The following LRRC9 variants were observed in gnomAD, a reference collection of about 807,000 sequenced individuals.
LRRC9 encodes leucine rich repeat containing 9.
Under a neutral mutation model 63.2 loss-of-function variants are expected in LRRC9, and 122 were observed. The observed-to-expected ratio is 1.93, with a 90% CI of 1.67 to 2.24. LRRC9 has a LOEUF of 2.24. Ranked by LOEUF, LRRC9 falls within the 30% of genes most tolerant of loss-of-function variation. The pLI, the probability that LRRC9 is intolerant of heterozygous loss-of-function variation, is 0.00. For missense variants in LRRC9, 1,071 were observed against 627.7 expected (o/e 1.71, Z -7.55); for synonymous variants, 366 against 213.1 (o/e 1.72, Z -6.25).
In LRRC9 at chr14:60,058,663, G is replaced by A. The variant is rs1425613486; in HGVS notation, c.4276+641G>A. On this transcript the variant is annotated intron_variant, in intron 31 of 31. Coordinates refer to ENST00000445360, the Ensembl canonical transcript of LRRC9. The surrounding 1 kb of genome is among the most constrained non-coding windows in gnomAD (Gnocchi z 4.4). Reference sequence around the variant, plus strand: ...CTGGTTATCATTTTGGCAAAACTGGGGGTAAGTACTCCTTCTCTGAGGGCT... The same window carrying A: ...CTGGTTATCATTTTGGCAAAACTGGAGGTAAGTACTCCTTCTCTGAGGGCT... Among the ~76,000 whole-genome samples, 1 of 152,028 alleles carries A rather than the reference G, an allele frequency of 6.6e-6. No individual in the cohort carries two copies. Among genetic ancestry groups the A allele is most frequent in the East Asian group, 1.9e-4 (1 of 5,192 alleles).
At chr14:59,929,401 A>G (rs1388190957) in intron 3 of LRRC9, among the ~76,000 whole-genome samples, 1 of 135,636 alleles carries the variant, frequency 7.4e-6, no homozygotes, top group Non-Finnish European at 1.6e-5. Flanking sequence ...CAGAATGGCT[A>G]TTATTAAAAA....
chr14:59,971,038 G>T (rs990184827), intron 12 of LRRC9, among the ~76,000 whole-genome samples: 1 of 152,044 alleles, frequency 6.6e-6, no homozygotes, highest in Non-Finnish European at 1.5e-5. Context: ...TTGTGTGAGG[G>T]TTTCGATAGT....
chr14:60,048,619 A>G (rs887984432), intron 29 of LRRC9, among the ~76,000 whole-genome samples: 3 of 152,160 alleles, frequency 2.0e-5, no homozygotes, highest in African/African-American at 2.4e-5. Context: ...ATAGGCCAAT[A>G]ATGAGTCCTG....
chr14:60,036,940 G>C (rs796453096), intron 29 of LRRC9, among the ~76,000 whole-genome samples: 77 of 152,106 alleles, frequency 5.1e-4, no homozygotes, highest in African/African-American at 1.7e-3. Flanking sequence ...GACAGGCCCT[G>C]GTGTGGGATG....
chr14:59,949,808 T>G (rs1474084265), intron 8 of LRRC9, among the ~76,000 whole-genome samples: 1 of 147,894 alleles, frequency 6.8e-6, no homozygotes, highest in African/African-American at 2.5e-5. Context: ...TGAGCGGCTT[T>G]GAGTGAGATT....
chr14:60,012,088 T>C (rs1890304349), intron 23 of LRRC9, among the ~76,000 whole-genome samples: 1 of 152,098 alleles, frequency 6.6e-6, no homozygotes, highest in South Asian at 2.1e-4. Context: ...TTATTAAACA[T>C]ATGTAGAAAA....
rs866836029 is a variant in LRRC9, at chr14:59,942,091, G to A, written c.727-2498G>A. 2.0e-5 allele frequency among the ~76,000 whole-genome samples: 3 copies of A among 151,964 alleles called. No individual in the cohort carries two copies. The highest frequency in any genetic ancestry group is 4.4e-5 in the Non-Finnish European group (3 of 67,980). On this transcript the variant is annotated intron_variant, in intron 7 of 31. Transcript: ENST00000445360. This position sits in a 1 kb window ranked among gnomAD's most constrained non-coding sequence, Gnocchi z 5.3. Reference sequence around the variant, plus strand: ...TATTTTTCTGTGCTTGACTTATTTCGCTTAACATAATGTCCTCCAGGCTCA... The same window carrying A: ...TATTTTTCTGTGCTTGACTTATTTCACTTAACATAATGTCCTCCAGGCTCA...
intron 23 of LRRC9, among the ~76,000 whole-genome samples, chr14:60,013,327 G>A (rs1248964470): frequency 3.9e-5 from 6 of 152,090 alleles, no homozygotes; most frequent in Non-Finnish European, 8.8e-5. Flanking sequence ...ATTATGGACA[G>A]GCTGGGACTC....
At chr14:60,021,876 T>C (rs529276998) in intron 26 of LRRC9, among the ~76,000 whole-genome samples, 1 of 152,044 alleles carries the variant, frequency 6.6e-6, no homozygotes, top group Non-Finnish European at 1.5e-5. Flanking sequence ...CTAGACTGGT[T>C]TGATTACTGT....
intron 23 of LRRC9, among the ~76,000 whole-genome samples, chr14:60,009,180 C>T (rs947201341): frequency 4.6e-5 from 7 of 152,066 alleles, no homozygotes; most frequent in African/African-American, 1.2e-4. Flanking sequence ...AAACATTTAC[C>T]GCTAAGGAAA....
rs1321956111 is a variant in LRRC9, at chr14:59,922,131, A to C, written c.-34+2248A>C. Among the ~76,000 whole-genome samples the C allele has an allele frequency of 6.6e-6, 1 of 152,048 alleles. No individual in the cohort carries two copies. The highest frequency in any genetic ancestry group is 1.9e-4 in the East Asian group (1 of 5,202). ...TAAGAAAGAAAAAAGAAAAGAAGAA[A>C]AGCACAAAGTAAGTTTGAAATAACA... On this transcript the variant is annotated intron_variant, in intron 1 of 31. Coordinates refer to ENST00000445360, the Ensembl canonical transcript of LRRC9. This position sits in a 1 kb window ranked among gnomAD's most constrained non-coding sequence, Gnocchi z 5.3.
chr14:60,002,361 GA>G (rs1014348119), intron 20 of LRRC9, among the ~76,000 whole-genome samples: 1 of 152,118 alleles, frequency 6.6e-6, no homozygotes, highest in Admixed American at 6.5e-5. Context: ...AGGGTCTCTA[GA>G]AAGTATTCGT....
rs1014760147 is a variant in LRRC9, at chr14:59,936,346, C to T, written c.544-2044C>T. On this transcript the variant is annotated intron_variant, in intron 6 of 31. Coordinates refer to ENST00000445360, the Ensembl canonical transcript of LRRC9. The surrounding 1 kb of genome is among the most constrained non-coding windows in gnomAD (Gnocchi z 4.2). Reference sequence around the variant, plus strand: ...TACTATCTTCATATTAAAAATGTTCCTGGAACACTATTATCTTAGATTTTT... The same window carrying T: ...TACTATCTTCATATTAAAAATGTTCTTGGAACACTATTATCTTAGATTTTT... Among the ~76,000 whole-genome samples, 1 of 152,040 alleles carries T rather than the reference C, an allele frequency of 6.6e-6. No individual in the cohort carries two copies. Among genetic ancestry groups the T allele is most frequent in the African/African-American group, 2.4e-5 (1 of 41,416 alleles).
chr14:59,945,866 A>G (rs1882317460), intron 8 of LRRC9, among the ~76,000 whole-genome samples: 1 of 151,930 alleles, frequency 6.6e-6, no homozygotes, highest in South Asian at 2.1e-4. Context: ...TAACTTCCAA[A>G]TGTTAATTAA....
In LRRC9 at chr14:59,952,423, G is replaced by A. The variant is rs868377323; in HGVS notation, c.883-7395G>A. Among the ~76,000 whole-genome samples the A allele has an allele frequency of 5.0e-3, 754 of 152,078 alleles. 13 individuals are homozygous for A. The highest frequency in any genetic ancestry group is 0.017 in the African/African-American group (712 of 41,478). ...CTGGCACTCCCTAGTGAGATGAACC[G>A]GGTACCTCAGATGGAAATGCAGAAA... On this transcript the variant is annotated intron_variant, in intron 8 of 31. Coordinates refer to ENST00000445360, the Ensembl canonical transcript of LRRC9.
chr14:59,941,674 A>C (rs1157202360), intron 7 of LRRC9, among the ~76,000 whole-genome samples: 1 of 152,064 alleles, frequency 6.6e-6, no homozygotes, highest in Non-Finnish European at 1.5e-5. Flanking sequence ...CCTTTTATTT[A>C]CAGTTGATGC....
intron 17 of LRRC9, among the ~76,000 whole-genome samples, chr14:59,995,211 G>A (rs1357619150): frequency 6.6e-6 from 1 of 152,128 alleles, no homozygotes; most frequent in Non-Finnish European, 1.5e-5. Context: ...AAATTGAAAT[G>A]TAATAAGCTG....
At chr14:59,965,258 T>C (rs1884714378) in intron 10 of LRRC9, among the ~76,000 whole-genome samples, 1 of 152,024 alleles carries the variant, frequency 6.6e-6, no homozygotes, top group Non-Finnish European at 1.5e-5. Context: ...TGGCCCCTGC[T>C]CCTCCTCCTC....
At chr14:59,935,226 G>A (rs767697510) in intron 6 of LRRC9, among the ~76,000 whole-genome samples, 8 of 151,394 alleles carry the variant, frequency 5.3e-5, no homozygotes, top group African/African-American at 9.7e-5. Flanking sequence ...CCTGAGAGGC[G>A]GAGGTTGCAG....
Sources: allele counts gnomAD v4.1 joint callset (sites outside exome capture counted in the v4.1 genomes callset), GRCh38; gene constraint gnomAD v4.1.1; non-coding constraint Gnocchi (gnomAD v3.1); transcripts MANE v1.5; gene names NCBI Gene and HGNC (gene_info 2026-07-23, HGNC 2026-07-21).